Variants in NRXN3 observed in about 807,000 individuals in gnomAD.
NRXN3 encodes neurexin 3, also known as neurexin III.
Under a neutral mutation model 137.6 loss-of-function variants are expected in NRXN3, and 32 were observed. That is an observed-to-expected ratio of 0.23 (90% CI 0.18 to 0.31). NRXN3 has a LOEUF of 0.31. NRXN3 is among the 10% of genes least tolerant of loss of function. The probability of loss-of-function intolerance (pLI) is 1.00; values close to 1 mark genes in which losing one functional copy is unlikely to be tolerated. For missense variants in NRXN3, 1,574 were observed against 2,062.5 expected, an observed-to-expected ratio of 0.76 and a Z score of 4.59; for synonymous variants, 798 against 784.5, an observed-to-expected ratio of 1.02 and a Z score of -0.29.
At chr14:79,596,587 T>C (rs80234980) in intron 16 of NRXN3, among the ~76,000 whole-genome samples, 4 of 141,258 alleles carry the variant, frequency 2.8e-5, no homozygotes, top group Admixed American at 2.8e-4. Flanking sequence ...AGGAGCACTC[T>C]CTCTTACAGA....
chr14:79,234,693 C>T (rs1172672495), intron 15 of NRXN3, among the ~76,000 whole-genome samples: 1 of 151,792 alleles, frequency 6.6e-6, no homozygotes, highest in Non-Finnish European at 1.5e-5. Flanking sequence ...ATACTGCTCC[C>T]TCTCTCTTAG....
At position 78,981,713 on chromosome 14, in the gene NRXN3, A is replaced by G. The variant is rs796414853; in HGVS notation, c.3143-6309A>G. On this transcript the variant is annotated intron_variant, in intron 14 of 20. Transcript: ENST00000335750. ...AATAAGCACTAGGTAAGCTGTGTCT[A>G]TTGTTATATCCTCTTTCTGATTTGT... Among the ~76,000 whole-genome samples, 4 of 152,160 alleles carry G rather than the reference A, an allele frequency of 2.6e-5. No individual in the cohort carries two copies. The South Asian group carries it at 8.3e-4, about 31-fold the overall frequency.
At position 79,437,607 on chromosome 14, in the gene NRXN3, C is replaced by T. The variant is rs540100441; in HGVS notation, c.3263-29614C>T. Among the ~76,000 whole-genome samples, 22 of 152,284 alleles carry T rather than the reference C, an allele frequency of 1.4e-4. No individual in the cohort carries two copies. In the East Asian group the frequency reaches 1.9e-3, roughly 13 times the overall value. The stretch of plus-strand genomic sequence containing the variant: ...TAGGGTAGTAGAAAAGATGCAGCTA[C>T]GGAAGAGAACAGAACTGTGCTCCTG... On this transcript the variant is annotated intron_variant, in intron 15 of 20. Transcript: ENST00000335750.
chr14:78,749,640 G>C (rs141655674), intron 8 of NRXN3, among the ~76,000 whole-genome samples: 1 of 152,296 alleles, frequency 6.6e-6, no homozygotes, highest in African/African-American at 2.4e-5. Context: ...TATAATCTCA[G>C]TGTGCATGTA....
chr14:79,820,032 G>A (rs1369675332), intron 20 of NRXN3, among the ~76,000 whole-genome samples: 9 of 133,428 alleles, frequency 6.7e-5, no homozygotes, highest in South Asian at 4.8e-4. Flanking sequence ...TTGATCTCCC[G>A]CCCACATACT....
chr14:79,797,411 C>T (rs896981393), intron 19 of NRXN3, among the ~76,000 whole-genome samples: 2 of 152,102 alleles, frequency 1.3e-5, no homozygotes, highest in Admixed American at 6.6e-5. Context: ...TTGTTCCAAT[C>T]GAAATACTTA....
intron 15 of NRXN3, among the ~76,000 whole-genome samples, chr14:79,391,421 C>A (rs1463446971): frequency 1.3e-5 from 2 of 152,134 alleles, no homozygotes; most frequent in Non-Finnish European, 2.9e-5. Flanking sequence ...TTCCACTTTT[C>A]TTGTCTTTAA....
chr14:78,679,823 G>A (rs2098054480), intron 6 of NRXN3, among the ~76,000 whole-genome samples: 1 of 152,240 alleles, frequency 6.6e-6, no homozygotes, highest in East Asian at 1.9e-4. Flanking sequence ...GCTAAGTGTT[G>A]GAGATAAAAT....
chr14:79,086,098 A>G (rs1046187019), intron 15 of NRXN3, among the ~76,000 whole-genome samples: 1 of 152,160 alleles, frequency 6.6e-6, no homozygotes, highest in Non-Finnish European at 1.5e-5. Flanking sequence ...TTCTAATACT[A>G]TAAACACTTG....
chr14:78,440,532 A>C (rs1197354298), intron 4 of NRXN3, among the ~76,000 whole-genome samples: 1 of 152,104 alleles, frequency 6.6e-6, no homozygotes, highest in Non-Finnish European at 1.5e-5. Flanking sequence ...TCACTCGTGC[A>C]TAGGTTCCTA....
intron 14 of NRXN3, among the ~76,000 whole-genome samples, chr14:78,976,590 A>G (rs879642616): frequency 1.3e-5 from 2 of 152,208 alleles, no homozygotes; most frequent in Non-Finnish European, 2.9e-5. Flanking sequence ...TGAAGATTGT[A>G]TCACATTCTC....
intron 15 of NRXN3, among the ~76,000 whole-genome samples, chr14:79,070,123 T>C (rs1164102760): frequency 6.6e-6 from 1 of 152,168 alleles, no homozygotes; most frequent in Non-Finnish European, 1.5e-5. Flanking sequence ...TAATTGGCCT[T>C]TGCATTGTAC....
chr14:79,528,704 T>C (rs192335180), intron 16 of NRXN3, among the ~76,000 whole-genome samples: 12 of 152,236 alleles, frequency 7.9e-5, no homozygotes, highest in African/African-American at 1.2e-4. Flanking sequence ...TAGAAAATTA[T>C]TTAGCAAACA....
chr14:79,730,442 AC>A (rs1203020953), intron 19 of NRXN3, among the ~76,000 whole-genome samples: 1 of 152,230 alleles, frequency 6.6e-6, no homozygotes, highest in Non-Finnish European at 1.5e-5. Context: ...GAATTGGTTC[AC>A]ACGAGACACT....
At chr14:78,804,427 GT>G (rs1409042533) in intron 9 of NRXN3, among the ~76,000 whole-genome samples, 14 of 152,148 alleles carry the variant, frequency 9.2e-5, no homozygotes, top group Non-Finnish European at 8.8e-5. Context: ...TCTGTGACAC[GT>G]GGAAGGAAAA....
intron 4 of NRXN3, among the ~76,000 whole-genome samples, chr14:78,385,329 ACACACG>A (rs1255695526): frequency 1.4e-5 from 2 of 142,956 alleles, no homozygotes; most frequent in Admixed American, 1.4e-4. Context: ...ACACACACAC[ACACACG>A]CATATAAAAC....
chr14:78,387,534 A>G (rs2090148443), intron 4 of NRXN3, among the ~76,000 whole-genome samples: 1 of 152,208 alleles, frequency 6.6e-6, no homozygotes, highest in Non-Finnish European at 1.5e-5. Flanking sequence ...ATTGTAAAGC[A>G]TTGCTACATG....
intron 17 of NRXN3, among the ~76,000 whole-genome samples, chr14:79,686,832 G>A (rs920568874): frequency 2.6e-5 from 4 of 152,108 alleles, no homozygotes; most frequent in East Asian, 1.9e-4. Flanking sequence ...CTGTCTGCTC[G>A]TATATATTTG....
chr14:78,221,182 A>G (rs2063811790), intron 1 of NRXN3, among the ~76,000 whole-genome samples: 1 of 152,134 alleles, frequency 6.6e-6, no homozygotes, highest in Non-Finnish European at 1.5e-5. Flanking sequence ...CTTCTAGGTA[A>G]GAAGTGAAGA....
Sources: gnomAD v4.1 joint callset for allele counts (sites outside exome capture counted in the v4.1 genomes callset) on GRCh38, gnomAD v4.1.1 for gene constraint, MANE v1.5 for transcripts, NCBI Gene and HGNC (gene_info 2026-07-23, HGNC 2026-07-21) for gene names.